PIK3R5: variants seen among roughly 807,000 people sequenced by gnomAD.
PIK3R5 encodes phosphoinositide-3-kinase regulatory subunit 5, also known as phosphoinositide 3-kinase regulatory subunit 5.
A neutral mutation model predicts 94.9 loss-of-function variants in PIK3R5; 32 were observed. That is an observed-to-expected ratio of 0.34 (90% CI 0.25 to 0.45). The LOEUF (loss-of-function observed/expected upper bound fraction) is 0.45, where lower values mean the gene tolerates loss of function less well. PIK3R5 is among the 20% of genes least tolerant of loss of function. The pLI is 1.00. For synonymous variants in PIK3R5, 443 were observed against 479.4 expected (o/e 0.92, Z 0.99); for missense variants, 853 against 1,144.6 (o/e 0.75, Z 3.68).
intron 1 of PIK3R5, among the ~76,000 whole-genome samples, chr17:8,959,398 C>A (rs2091519596): frequency 7.0e-6 from 1 of 143,188 alleles, no homozygotes; most frequent in South Asian, 2.3e-4. Context: ...GAATTTTATG[C>A]AAAACTTTGA....
chr17:8,947,816 G>A (rs1012766796), intron 1 of PIK3R5, among the ~76,000 whole-genome samples: 4 of 152,074 alleles, frequency 2.6e-5, no homozygotes, highest in African/African-American at 9.7e-5. Flanking sequence ...GGCCGAGGCC[G>A]GTGGATCACA....
intron 3 of PIK3R5, among the ~76,000 whole-genome samples, chr17:8,906,148 C>T (rs61759587): frequency 0.054 from 8,168 of 152,110 alleles, 733 homozygotes; most frequent in African/African-American, 0.19. Context: ...TAATGCTCTC[C>T]CTCCCCTTGT....
In PIK3R5 at chr17:8,888,603, C is replaced by A. The variant is rs2089943077; in HGVS notation, c.1184G>T (p.Ser395Ile). The change falls in exon 10 of 19, where the codon AGC (serine) becomes ATC (isoleucine). Residue 395 changes from serine (S) to isoleucine (I), a missense_variant. By Grantham distance (142) the Ser-to-Ile change is moderately radical (BLOSUM62 -2). This residue lies in a region of PIK3R5 where 319 missense variants were observed against 339.8 expected (regional missense o/e 0.94). Transcript: ENST00000447110. This position sits in a 1 kb window ranked among gnomAD's most constrained non-coding sequence, Gnocchi z 7.8. Reference protein sequence around the residue: ...DGMDSGYVEDSEESSSEWPWR... With the variant: ...DGMDSGYVEDIEESSSEWPWR... ...AGGCCACTCGGAGGAGCTCTCCTCG[C>A]TGTCCTCCACGTAGCCGCTGTCCAT... 6.2e-7 allele frequency: 1 copy of A among 1,612,254 alleles called. No individual in the cohort carries two copies. The highest frequency in any genetic ancestry group is 1.7e-5 in the Admixed American group (1 of 59,940).
chr17:8,916,907 G>C (rs1312086491), intron 1 of PIK3R5: 2 of 152,374 alleles, frequency 1.3e-5, no homozygotes, highest in Non-Finnish European at 2.9e-5. Flanking sequence ...GGGGCCTCCA[G>C]GTTCTGGCTG....
At position 8,892,059 on chromosome 17, in the gene PIK3R5, C is replaced by T. The variant is rs987204725; in HGVS notation, c.483-1147G>A. 2.0e-5 allele frequency among the ~76,000 whole-genome samples: 3 copies of T among 152,134 alleles called. No homozygotes were observed. Among genetic ancestry groups the T allele is most frequent in the African/African-American group, 4.8e-5 (2 of 41,412 alleles). On this transcript the variant is annotated intron_variant, in intron 6 of 18. Transcript: ENST00000447110. This position sits in a 1 kb window ranked among gnomAD's most constrained non-coding sequence, Gnocchi z 4.3. ...ACCTCGAAGCAAATTCGAGCCATGG[C>T]GGCTTTGTATCCATAAATGCTTTAG...
intron 1 of PIK3R5, among the ~76,000 whole-genome samples, chr17:8,948,544 G>A (rs1597430866): frequency 6.6e-6 from 1 of 152,162 alleles, no homozygotes; most frequent in Non-Finnish European, 1.5e-5. Context: ...TGTCCAAATG[G>A]CCACTAAACA....
In PIK3R5 at chr17:8,889,043, G is replaced by A. The variant is rs1328449266; in HGVS notation, c.895+96C>T. 2 of 1,517,788 alleles carry A rather than the reference G, an allele frequency of 1.3e-6. No individual in the cohort carries two copies. Among genetic ancestry groups the A allele is most frequent in the Non-Finnish European group, 1.8e-6 (2 of 1,122,894 alleles). 94.0% of individuals were successfully genotyped at this position (1,517,788 alleles called of 1,614,324 possible). A position where few individuals can be genotyped will look rare whatever the true frequency, so the allele number is the denominator to read the frequency against. Reference sequence around the variant, plus strand: ...GCTTAGAGCCTGCTCATGTGGGAGAGCTTTGGGGACGGGGTGGGAGCTGCA... The same window carrying A: ...GCTTAGAGCCTGCTCATGTGGGAGAACTTTGGGGACGGGGTGGGAGCTGCA... On this transcript the variant is annotated intron_variant, in intron 9 of 18. Transcript: ENST00000447110. The surrounding 1 kb of genome is among the most constrained non-coding windows in gnomAD (Gnocchi z 4.1).
intron 1 of PIK3R5, among the ~76,000 whole-genome samples, chr17:8,949,702 G>C (rs1054729763): frequency 6.6e-6 from 1 of 152,152 alleles, no homozygotes; most frequent in Non-Finnish European, 1.5e-5. Flanking sequence ...TCATAAGTGG[G>C]AGCTAAGCTA....
At position 8,882,289 on chromosome 17, in the gene PIK3R5, GA is replaced by G; in HGVS notation, c.2206-409del. 4.9e-6 allele frequency: 1 copy of G among 204,554 alleles called. No individual in the cohort carries two copies. Among genetic ancestry groups the G allele is most frequent in the Admixed American group, 5.2e-5 (1 of 19,224 alleles). 12.7% of individuals were successfully genotyped at this position (204,554 alleles called of 1,614,324 possible). ...TCAGGGACCTCCATGTTGTTAAACCGAAGAACACTTCTTGGTCCTCAGCTTA... is the reference window on the plus strand; with the variant it reads ...TCAGGGACCTCCATGTTGTTAAACCGAGAACACTTCTTGGTCCTCAGCTTA... On this transcript the variant is annotated intron_variant, in intron 15 of 18. Transcript: ENST00000447110. This position sits in a 1 kb window ranked among gnomAD's most constrained non-coding sequence, Gnocchi z 4.1.
intron 1 of PIK3R5, among the ~76,000 whole-genome samples, chr17:8,948,730 C>T (rs9915459): frequency 1.3e-4 from 20 of 152,294 alleles, no homozygotes; most frequent in East Asian, 7.7e-4. Context: ...TACGCTGGTA[C>T]GACAACATAC....
Position 8,925,644 on chromosome 17 carries a change from G to C in PIK3R5, c.-13-14137C>G, listed in dbSNP as rs1440132496. ...AGCCAGAATGAGGGATTGACATTAT[G>C]TCTAAATCAGATGGAAATGGATTAA... is the stretch of plus-strand genomic sequence containing the variant. On this transcript the variant is annotated intron_variant, in intron 1 of 18. Coordinates refer to ENST00000447110, the MANE Select transcript of PIK3R5 (RefSeq NM_001142633.3). The surrounding 1 kb of genome is among the most constrained non-coding windows in gnomAD (Gnocchi z 5.1). 6.6e-6 allele frequency among the ~76,000 whole-genome samples: 1 copy of C among 152,220 alleles called. No individual in the cohort carries two copies. The highest frequency in any genetic ancestry group is 1.9e-4 in the East Asian group (1 of 5,202).
Position 8,911,788 on chromosome 17 carries a change from G to GACCTGGCTTGCC in PIK3R5, c.-13-282_-13-281insGGCAAGCCAGGT. 1 of 286,304 alleles carries GACCTGGCTTGCC rather than the reference G, an allele frequency of 3.5e-6. No individual in the cohort carries two copies. Among genetic ancestry groups the GACCTGGCTTGCC allele is most frequent in the Non-Finnish European group, 6.6e-6 (1 of 151,360 alleles). The allele number at this position is 286,304 out of a possible 1,614,324, so 17.7% of individuals were successfully genotyped here. A position where few individuals can be genotyped will look rare whatever the true frequency, so the allele number is the denominator to read the frequency against. On this transcript the variant is annotated intron_variant, in intron 1 of 18. Coordinates refer to ENST00000447110, the MANE Select transcript of PIK3R5 (RefSeq NM_001142633.3). The surrounding 1 kb of genome is among the most constrained non-coding windows in gnomAD (Gnocchi z 5.3). ...GAATGGGAGCAGAGAGGTGGAAAGG[G>GACCTGGCTTGCC]CACTGGGCAGTGGGAAGTGTCGCCA...
chr17:8,939,526 C>T (rs183474581), intron 1 of PIK3R5, among the ~76,000 whole-genome samples: 1 of 152,314 alleles, frequency 6.6e-6, no homozygotes, highest in East Asian at 1.9e-4. Context: ...AGTCTAATCA[C>T]TGTGATCACC....
chr17:8,902,917 G>GC (rs2090319854), intron 5 of PIK3R5, among the ~76,000 whole-genome samples: 1 of 149,990 alleles, frequency 6.7e-6, no homozygotes, highest in Admixed American at 6.6e-5. Flanking sequence ...TGATCTCGGA[G>GC]GCACTTGAAC....
At chr17:8,919,677 A>T (rs1328132295) in intron 1 of PIK3R5, among the ~76,000 whole-genome samples, 1 of 152,182 alleles carries the variant, frequency 6.6e-6, no homozygotes, top group Non-Finnish European at 1.5e-5. Flanking sequence ...TGTTGGTGTC[A>T]CCTAAAAGGA....
intron 1 of PIK3R5, among the ~76,000 whole-genome samples, chr17:8,923,260 C>T (rs933571701): frequency 2.0e-5 from 3 of 152,282 alleles, no homozygotes; most frequent in South Asian, 2.1e-4. Context: ...TCTCTCTGGT[C>T]CACTCTACCC....
rs76615552 is a variant in PIK3R5 at position 8,920,039 on chromosome 17, A to G, written c.-13-8532T>C. Among the ~76,000 whole-genome samples, 227 of 152,006 alleles carry G rather than the reference A, an allele frequency of 1.5e-3. 7 individuals are homozygous for G. In the East Asian group the frequency reaches 0.031, roughly 21 times the overall value. ...GCTGAGATTACAGGCATGCACCACC[A>G]TACCAGGCTAATTATTCTACTTTTA... On this transcript the variant is annotated intron_variant, in intron 1 of 18. Coordinates refer to ENST00000447110, the MANE Select transcript of PIK3R5 (RefSeq NM_001142633.3).
intron 11 of PIK3R5, 33 bp downstream of exon 11, chr17:8,887,488 T>A: frequency 6.3e-7 from 1 of 1,578,540 alleles, no homozygotes; most frequent in Non-Finnish European, 8.6e-7. Context: ...GAACTCTACT[T>A]TCCCCGACCA....
Position 8,893,507 on chromosome 17 carries a change from G to C in PIK3R5, c.482+79C>G, listed in dbSNP as rs1465837224. ...GTGGGGGCACTGGATGTTTGAGTGG[G>C]GGAGGAGGGTGAAGGTGGAACAGTG... On this transcript the variant is annotated intron_variant, in intron 6 of 18. Coordinates refer to ENST00000447110, the MANE Select transcript of PIK3R5 (RefSeq NM_001142633.3). The surrounding 1 kb of genome is among the most constrained non-coding windows in gnomAD (Gnocchi z 5.1). 3 of 1,132,262 alleles carry C rather than the reference G, an allele frequency of 2.6e-6. No homozygotes were observed. The highest frequency in any genetic ancestry group is 2.7e-6 in the Non-Finnish European group (2 of 748,378). 70.1% of individuals were successfully genotyped at this position (1,132,262 alleles called of 1,614,324 possible). A position where few individuals can be genotyped will look rare whatever the true frequency, so the allele number is the denominator to read the frequency against.
Sources: allele counts gnomAD v4.1 joint callset (sites outside exome capture counted in the v4.1 genomes callset), GRCh38; gene constraint gnomAD v4.1.1; regional missense constraint gnomAD v4.1.1; non-coding constraint Gnocchi (gnomAD v3.1); transcripts MANE v1.5; gene names NCBI Gene and HGNC (gene_info 2026-07-23, HGNC 2026-07-21).